The following DLG2 variants were observed in gnomAD, a reference collection of about 807,000 sequenced individuals.
The protein encoded by DLG2 is disks large homolog 2.
In DLG2, 45 loss-of-function variants were observed where a neutral mutation model predicts 132.5. That is an observed-to-expected ratio of 0.34 (90% CI 0.27 to 0.44). The LOEUF (loss-of-function observed/expected upper bound fraction) is 0.44, where lower values mean the gene tolerates loss of function less well. Among genes scored for constraint, DLG2 ranks in the 20% least tolerant of loss-of-function variants. The pLI is 1.00. For missense variants in DLG2, 1,045 were observed against 1,196.9 expected (o/e 0.87, Z 1.87); for synonymous variants, 424 against 419.6 (o/e 1.01, Z -0.13).
chr11:84,306,723 T>C (rs963160992), intron 7 of DLG2, among the ~76,000 whole-genome samples: 9 of 152,234 alleles, frequency 5.9e-5, no homozygotes, highest in African/African-American at 2.2e-4. Flanking sequence ...CTAGCATCCC[T>C]GACCCTCTTC....
At chr11:83,498,736 TTG>T (rs2094289076) in intron 21 of DLG2, among the ~76,000 whole-genome samples, 1 of 146,930 alleles carries the variant, frequency 6.8e-6, no homozygotes, top group East Asian at 2.0e-4. Flanking sequence ...ATTTTAAAAA[TTG>T]AGAAAAATTA....
intron 7 of DLG2, among the ~76,000 whole-genome samples, chr11:84,501,160 G>A (rs114424727): frequency 2.4e-3 from 369 of 152,168 alleles, no homozygotes; most frequent in African/African-American, 8.6e-3. Flanking sequence ...CTCCAATATG[G>A]GGAATATAAG....
chr11:83,513,705 A>G (rs1396783078), intron 21 of DLG2, among the ~76,000 whole-genome samples: 7 of 152,140 alleles, frequency 4.6e-5, no homozygotes, highest in Non-Finnish European at 8.8e-5. Flanking sequence ...TCATTTTTGT[A>G]TGAGGTGTAA....
At chr11:85,304,691 C>A (rs1442000350) in intron 3 of DLG2, among the ~76,000 whole-genome samples, 1 of 152,066 alleles carries the variant, frequency 6.6e-6, no homozygotes, top group Non-Finnish European at 1.5e-5. Context: ...TGGTTGAAAG[C>A]ATTTCCGATA....
At chr11:84,415,092 C>A (rs2098924565) in intron 7 of DLG2, among the ~76,000 whole-genome samples, 1 of 152,120 alleles carries the variant, frequency 6.6e-6, no homozygotes, top group Admixed American at 6.6e-5. Context: ...ATGCAATGTG[C>A]ACTATTATTC....
intron 3 of DLG2, among the ~76,000 whole-genome samples, chr11:85,424,851 A>G (rs1443461826): frequency 1.3e-5 from 2 of 152,172 alleles, no homozygotes; most frequent in Admixed American, 1.3e-4. Flanking sequence ...CTCACCAAAC[A>G]CTGGATCTCC....
At chr11:85,159,151 T>A (rs1327042428) in intron 4 of DLG2, among the ~76,000 whole-genome samples, 1 of 152,204 alleles carries the variant, frequency 6.6e-6, no homozygotes, top group African/African-American at 2.4e-5. Flanking sequence ...ACACTGGCTC[T>A]GAACTGACAT....
intron 19 of DLG2, among the ~76,000 whole-genome samples, chr11:83,609,997 C>T (rs2059880127): frequency 2.0e-5 from 3 of 152,152 alleles, no homozygotes; most frequent in Middle Eastern, 3.2e-3. Context: ...TATTTTCATA[C>T]TATGAAATTT....
At chr11:84,738,384 T>G (rs1215611960) in intron 6 of DLG2, among the ~76,000 whole-genome samples, 1 of 151,952 alleles carries the variant, frequency 6.6e-6, no homozygotes, top group Non-Finnish European at 1.5e-5. Flanking sequence ...AGCAAGGTAG[T>G]GAGATAAAAT....
chr11:85,178,142 T>A (rs1285339931), intron 4 of DLG2, among the ~76,000 whole-genome samples: 1 of 151,996 alleles, frequency 6.6e-6, no homozygotes, highest in Non-Finnish European at 1.5e-5. Context: ...TTTAATAAGA[T>A]CTATAAGAAT....
intron 10 of DLG2, among the ~76,000 whole-genome samples, chr11:84,064,900 C>A (rs999483754): frequency 3.3e-5 from 5 of 152,064 alleles, no homozygotes; most frequent in African/African-American, 1.2e-4. Context: ...AATAGGGAAT[C>A]TAGAAATAAT....
intron 6 of DLG2, among the ~76,000 whole-genome samples, chr11:85,104,827 A>G (rs551482898): frequency 7.0e-4 from 102 of 146,556 alleles, no homozygotes; most frequent in Non-Finnish European, 2.0e-4. Context: ...AATGTCATAA[A>G]GTTTTATATT....
At chr11:84,357,838 A>T (rs1403969514) in intron 7 of DLG2, among the ~76,000 whole-genome samples, 1 of 151,986 alleles carries the variant, frequency 6.6e-6, no homozygotes, top group Admixed American at 6.6e-5. Context: ...TTTTTAATGA[A>T]GGCATTAAAT....
chr11:85,415,195 C>T (rs903499444), intron 3 of DLG2, among the ~76,000 whole-genome samples: 2 of 152,110 alleles, frequency 1.3e-5, no homozygotes, highest in South Asian at 2.1e-4. Context: ...TGAACTCATC[C>T]TTTTTATGGC....
intron 11 of DLG2, among the ~76,000 whole-genome samples, chr11:84,015,439 C>T (rs534913400): frequency 2.2e-4 from 33 of 152,166 alleles, no homozygotes; most frequent in Admixed American, 2.6e-4. Context: ...ACATAGGTAA[C>T]GGTGTGCCAT....
chr11:85,223,250 G>A (rs949115318), intron 4 of DLG2, among the ~76,000 whole-genome samples: 2 of 152,102 alleles, frequency 1.3e-5, no homozygotes, highest in African/African-American at 4.8e-5. Flanking sequence ...AATGCAAGAC[G>A]CACCTGCAAT....
chr11:85,030,225 A>T (rs1291591542), intron 6 of DLG2, among the ~76,000 whole-genome samples: 2 of 152,190 alleles, frequency 1.3e-5, no homozygotes, highest in African/African-American at 4.8e-5. Context: ...TGACTCAGAG[A>T]GGTTAAAAGG....
At chr11:85,044,709 C>T (rs573835956) in intron 6 of DLG2, among the ~76,000 whole-genome samples, 2 of 152,076 alleles carry the variant, frequency 1.3e-5, no homozygotes, top group African/African-American at 2.4e-5. Context: ...TTTGACACAA[C>T]GTAATCTGTG....
chr11:84,862,102 C>G (rs945857578), intron 6 of DLG2, among the ~76,000 whole-genome samples: 1 of 151,638 alleles, frequency 6.6e-6, no homozygotes, highest in Non-Finnish European at 1.5e-5. Context: ...CGAGTTAGTG[C>G]GTGCAGCGCA....
Sources: gnomAD v4.1 joint callset for allele counts (sites outside exome capture counted in the v4.1 genomes callset) on GRCh38, gnomAD v4.1.1 for gene constraint, MANE v1.5 for transcripts, NCBI Gene and HGNC (gene_info 2026-07-23, HGNC 2026-07-21) for gene names.